VRK2: variants seen among roughly 807,000 people sequenced by gnomAD.
The protein encoded by VRK2 is VRK serine/threonine kinase 2, also known as serine/threonine-protein kinase VRK2.
In VRK2, 60 loss-of-function variants were observed where a neutral mutation model predicts 57.6. The observed-to-expected ratio is 1.04, with a 90% CI of 0.85 to 1.29. The LOEUF is 1.29. Ranked by LOEUF, VRK2 falls within the 50% of genes most tolerant of loss-of-function variation. The probability of loss-of-function intolerance (pLI) is 0.00; values close to 1 mark genes in which losing one functional copy is unlikely to be tolerated. For missense variants in VRK2, 705 were observed against 588.1 expected, an observed-to-expected ratio of 1.20 and a Z score of -2.06; for synonymous variants, 231 against 199.2, an observed-to-expected ratio of 1.16 and a Z score of -1.35.
In VRK2 at chr2:58,156,652, T is replaced by TA. The variant is rs577280566; in HGVS notation, c.1183-2694dup. Among the ~76,000 whole-genome samples the TA allele has an allele frequency of 3.0e-3, 459 of 152,288 alleles. 2 individuals are homozygous for TA. Among genetic ancestry groups the TA allele is most frequent in the African/African-American group, 0.011 (440 of 41,548 alleles). ...TCTAGTTGATTGTCAAATCAGCTGT[T>TA]AAACCTAGCCAATGAATTTTTCATG... On this transcript the variant is annotated intron_variant, in intron 12 of 12. Coordinates refer to ENST00000340157, the MANE Select transcript of VRK2 (RefSeq NM_006296.7).
At chr2:58,037,603 C>A (rs1281038699) in intron 3 of VRK2, among the ~76,000 whole-genome samples, 2 of 152,084 alleles carry the variant, frequency 1.3e-5, no homozygotes, top group African/African-American at 4.8e-5. Flanking sequence ...TGGGCCAATA[C>A]CTTCCTACTC....
At chr2:58,104,064 G>T (rs1674398157) in intron 7 of VRK2, among the ~76,000 whole-genome samples, 1 of 151,656 alleles carries the variant, frequency 6.6e-6, no homozygotes, top group South Asian at 2.1e-4. Flanking sequence ...GACGTAGAAG[G>T]AACATACCTC....
chr2:58,159,234 C>T (rs570786939), intron 12 of VRK2, 115 bp from the exon 13 acceptor site: 35 of 758,176 alleles, frequency 4.6e-5, no homozygotes, highest in South Asian at 1.6e-4. Flanking sequence ...AAAAATAACA[C>T]GCAAAAACTT....
chr2:58,159,633 T>TTATCGCATCA lies in VRK2; in HGVS notation c.1469_1478dup (p.Ile494SerfsTer31), dbSNP rs1558724585. 6.2e-7 allele frequency: 1 copy of TTATCGCATCA among 1,613,804 alleles called. No individual in the cohort carries two copies. On this transcript the variant is annotated frameshift_variant, in exon 13 of 13. Transcript: ENST00000340157. LOFTEE classifies it high-confidence loss of function. ...AAGAGACAAACGCAGATGTTTATTA[T>TTATCGCATCA]TATCGCATCATCATACCTGTCCTTT...
chr2:58,031,603 T>C lies in VRK2; in HGVS notation c.-332-1624T>C, dbSNP rs72949148. ...ATTACCACCACCAGTGTCCAGCAGA[T>C]GTAATTTCCCTAATTAATTTACAAT... On this transcript the variant is annotated intron_variant, in intron 2 of 15. Transcript: ENST00000417641. Among the ~76,000 whole-genome samples, 232 of 152,232 alleles carry C rather than the reference T, an allele frequency of 1.5e-3. 3 individuals carry two copies. Among genetic ancestry groups the C allele is most frequent in the African/African-American group, 5.3e-3 (219 of 41,566 alleles).
intron 1 of VRK2, among the ~76,000 whole-genome samples, chr2:58,019,751 A>G (rs1673693617): frequency 6.6e-6 from 1 of 152,222 alleles, no homozygotes; most frequent in African/African-American, 2.4e-5. Flanking sequence ...CTAGTTTCCT[A>G]TTGCTCAGAG....
At chr2:58,152,400 T>C (rs1330420276) in intron 12 of VRK2, among the ~76,000 whole-genome samples, 12 of 151,952 alleles carry the variant, frequency 7.9e-5, no homozygotes, top group Admixed American at 7.9e-4. Context: ...CTTTGTGCTA[T>C]TGTTGTTATA....
At chr2:58,050,377 CTA>C (rs1017997587) in intron 2 of VRK2, among the ~76,000 whole-genome samples, 6 of 152,166 alleles carry the variant, frequency 3.9e-5, no homozygotes, top group South Asian at 2.1e-4. Context: ...CAAATAAAGA[CTA>C]TGTGAGGATA....
chr2:58,035,946 A>G (rs899797452), intron 3 of VRK2, among the ~76,000 whole-genome samples: 3 of 152,094 alleles, frequency 2.0e-5, no homozygotes, highest in Non-Finnish European at 4.4e-5. Flanking sequence ...GAATTATCTT[A>G]GAAGACAGAA....
At chr2:58,014,949 A>G (rs1162265967) in intron 1 of VRK2, among the ~76,000 whole-genome samples, 1 of 152,132 alleles carries the variant, frequency 6.6e-6, no homozygotes, top group Non-Finnish European at 1.5e-5. Flanking sequence ...TAACACCTTG[A>G]TTTTCCCTCA....
intron 7 of VRK2, among the ~76,000 whole-genome samples, chr2:58,121,827 T>A (rs1220153613): frequency 6.6e-6 from 1 of 152,222 alleles, no homozygotes; most frequent in African/African-American, 2.4e-5. Context: ...TTGAAACTGC[T>A]TTCTTTTTCT....
chr2:57,958,712 T>C (rs1217369022), intron 1 of VRK2, among the ~76,000 whole-genome samples: 2 of 152,114 alleles, frequency 1.3e-5, no homozygotes, highest in African/African-American at 2.4e-5. Context: ...TTAGACAGTA[T>C]TCAGAATAAA....
intron 1 of VRK2, among the ~76,000 whole-genome samples, chr2:58,020,271 G>A (rs911966734): frequency 6.6e-6 from 1 of 152,330 alleles, no homozygotes; most frequent in Admixed American, 6.5e-5. Context: ...GAGGGCAGTG[G>A]TGTGATAACA....
intron 1 of VRK2, among the ~76,000 whole-genome samples, chr2:57,993,099 T>TA (rs1379035570): frequency 1.3e-5 from 2 of 152,230 alleles, no homozygotes; most frequent in African/African-American, 4.8e-5. Flanking sequence ...GTAACTGGTA[T>TA]ATTTTAGTGT....
chr2:58,004,888 G>C (rs772896321), intron 1 of VRK2, among the ~76,000 whole-genome samples: 13 of 152,098 alleles, frequency 8.5e-5, no homozygotes, highest in Non-Finnish European at 1.3e-4. Flanking sequence ...AAAATCATTT[G>C]AAACTGTATT....
In VRK2 at chr2:57,941,815, T is replaced by C. The variant is rs142301395; in HGVS notation, c.-439+33976T>C. 1.2e-3 allele frequency among the ~76,000 whole-genome samples: 188 copies of C among 152,354 alleles called. 1 individual carries two copies. The highest frequency in any genetic ancestry group is 4.2e-3 in the African/African-American group (175 of 41,596). On this transcript the variant is annotated intron_variant, in intron 1 of 15. Transcript: ENST00000417641. Reference sequence around the variant, plus strand: ...AACATTTCATTAGTGACACTTGAAATGTACTCACAGGATACCATATCCCCA... The same window carrying C: ...AACATTTCATTAGTGACACTTGAAACGTACTCACAGGATACCATATCCCCA...
chr2:57,945,972 C>T (rs1671250030), intron 1 of VRK2, among the ~76,000 whole-genome samples: 2 of 151,814 alleles, frequency 1.3e-5, no homozygotes, highest in Non-Finnish European at 2.9e-5. Context: ...AGCAAAAGAC[C>T]CAAAGGTCCA....
intron 1 of VRK2, among the ~76,000 whole-genome samples, chr2:58,017,209 A>C (rs1301386204): frequency 2.0e-5 from 3 of 151,790 alleles, no homozygotes; most frequent in Non-Finnish European, 4.4e-5. Flanking sequence ...CTACCTTTCC[A>C]CCTGACGTGA....
At chr2:57,970,718 A>T (rs569896001) in intron 1 of VRK2, among the ~76,000 whole-genome samples, 1 of 151,994 alleles carries the variant, frequency 6.6e-6, no homozygotes, top group South Asian at 2.1e-4. Flanking sequence ...AAAATTTATT[A>T]TAAAGCAAAA....
Sources: gnomAD v4.1 joint callset for allele counts (sites outside exome capture counted in the v4.1 genomes callset) on GRCh38, gnomAD v4.1.1 for gene constraint, MANE v1.5 for transcripts, NCBI Gene and HGNC (gene_info 2026-07-23, HGNC 2026-07-21) for gene names.